PRIM2: variants seen among roughly 807,000 people sequenced by gnomAD.
PRIM2 encodes the protein DNA primase large subunit.
Under a neutral mutation model 67.3 loss-of-function variants are expected in PRIM2, and 39 were observed. That is an observed-to-expected ratio of 0.58 (90% CI 0.45 to 0.76). The LOEUF (loss-of-function observed/expected upper bound fraction) is 0.76, where lower values mean the gene tolerates loss of function less well. Ranked by LOEUF, PRIM2 falls within the 30% of genes least tolerant of loss-of-function variation. PRIM2 has a pLI of 0.00. For missense variants in PRIM2, 398 were observed against 598.7 expected, an observed-to-expected ratio of 0.66 and a Z score of 3.50; for synonymous variants, 143 against 198.7, an observed-to-expected ratio of 0.72 and a Z score of 2.36.
At position 57,477,473 on chromosome 6, in the gene PRIM2, TA is replaced by T. The variant is rs1773504003; in HGVS notation, c.694-29913del. Among the ~76,000 whole-genome samples the T allele has an allele frequency of 2.0e-5, 3 of 152,350 alleles. 1 individual carries two copies. The South Asian group carries it at 6.2e-4, about 32-fold the overall frequency. ...TATTATTCAGCAAAATTAAAATCCA[TA>T]GAAGATAGCCTTTCTACTACTTTTC... On this transcript the variant is annotated intron_variant, in intron 7 of 13. Transcript: ENST00000615550.
chr6:57,480,964 G>A (rs1175828719), intron 7 of PRIM2, among the ~76,000 whole-genome samples: 2 of 152,246 alleles, frequency 1.3e-5, no homozygotes, highest in Admixed American at 1.3e-4. Context: ...TATTATATAA[G>A]TGGAATTATA....
At chr6:57,435,329 A>G (rs2127381709) in intron 7 of PRIM2, 1 of 152,302 alleles carries the variant, frequency 6.6e-6, no homozygotes, top group Admixed American at 6.5e-5. Flanking sequence ...CGGAGGAATA[A>G]CATTCGGGAA....
intron 8 of PRIM2, among the ~76,000 whole-genome samples, chr6:57,512,887 G>A (rs1774400728): frequency 6.6e-6 from 1 of 152,064 alleles, no homozygotes; most frequent in African/African-American, 2.4e-5. Context: ...GTGAGCCACC[G>A]TGCTCACCAT....
At chr6:57,536,330 T>C (rs1199361610) in intron 9 of PRIM2, among the ~76,000 whole-genome samples, 2 of 152,250 alleles carry the variant, frequency 1.3e-5, no homozygotes, top group African/African-American at 4.8e-5. Context: ...TAGGCAATGA[T>C]ATTTCATTTT....
At chr6:57,614,711 G>A (rs1393985313) in intron 12 of PRIM2, among the ~76,000 whole-genome samples, 4 of 152,226 alleles carry the variant, frequency 2.6e-5, no homozygotes, top group Non-Finnish European at 4.4e-5. Context: ...TTAGCCGGGC[G>A]TGCTAGCGGG....
chr6:57,316,426 G>A (rs1048035923), upstream of PRIM2, among the ~76,000 whole-genome samples: 1 of 152,132 alleles, frequency 6.6e-6, no homozygotes, highest in East Asian at 1.9e-4. Context: ...ATTGGTGGTG[G>A]GTCGGGGGGA....
chr6:57,366,465 T>C (rs1465927845), intron 5 of PRIM2, among the ~76,000 whole-genome samples: 1 of 151,832 alleles, frequency 6.6e-6, no homozygotes, highest in Non-Finnish European at 1.5e-5. Context: ...GGAAAATGTG[T>C]GAGGGTAGGG....
chr6:57,456,334 C>A, intron 7 of PRIM2, among the ~76,000 whole-genome samples: 1 of 152,138 alleles, frequency 6.6e-6, no homozygotes. Context: ...TGTTGGCCTT[C>A]CTTGCTAGAT....
At chr6:57,461,837 T>G (rs1773017229) in intron 7 of PRIM2, among the ~76,000 whole-genome samples, 1 of 152,146 alleles carries the variant, frequency 6.6e-6, no homozygotes, top group Admixed American at 6.6e-5. Context: ...ACTGAGAAAT[T>G]AAAACATTAT....
intron 12 of PRIM2, among the ~76,000 whole-genome samples, chr6:57,625,757 G>C (rs1776940171): frequency 6.6e-6 from 1 of 152,184 alleles, no homozygotes; most frequent in Non-Finnish European, 1.5e-5. Flanking sequence ...ATAATAAAGA[G>C]TCAGAAAAAT....
At position 57,452,098 on chromosome 6, in the gene PRIM2, C is replaced by A. The variant is rs1562759216; in HGVS notation, c.694-55289C>A. Among the ~76,000 whole-genome samples the A allele has an allele frequency of 1.4e-4, 21 of 152,222 alleles. No individual in the cohort carries two copies. The South Asian group carries it at 4.1e-3, about 30-fold the overall frequency. ...GTTTCCAGCTTCATCCATGTCCCTACAAAGGACATGAACTCATCATTTTTT... is the reference window on the plus strand; with the variant it reads ...GTTTCCAGCTTCATCCATGTCCCTAAAAAGGACATGAACTCATCATTTTTT... On this transcript the variant is annotated intron_variant, in intron 7 of 13. Coordinates refer to ENST00000615550, the MANE Select transcript of PRIM2 (RefSeq NM_000947.5).
intron 7 of PRIM2, among the ~76,000 whole-genome samples, chr6:57,459,407 A>C (rs5002208): frequency 0.11 from 16,257 of 152,224 alleles, 972 homozygotes; most frequent in East Asian, 0.22. Flanking sequence ...AAATGATCTT[A>C]TTAGGTGGAC....
intron 13 of PRIM2, among the ~76,000 whole-genome samples, chr6:57,642,327 GTAACCT>G (rs1338724969): frequency 6.7e-6 from 1 of 149,500 alleles, no homozygotes; most frequent in Non-Finnish European, 1.5e-5. Context: ...GTATGCCTAT[GTAACCT>G]GCACGTTCTG....
chr6:57,514,757 T>A (rs1290236309), intron 8 of PRIM2, among the ~76,000 whole-genome samples: 1 of 152,134 alleles, frequency 6.6e-6, no homozygotes, highest in Non-Finnish European at 1.5e-5. Context: ...GGCACTATAA[T>A]TGGTACTGAT....
At chr6:57,222,106 C>G in the PRIM2 span, 1 of 152,354 alleles carries the variant, frequency 6.6e-6, no homozygotes, top group Non-Finnish European at 1.5e-5. Flanking sequence ...GCTGTCTCCT[C>G]CCGACGCGCC....
the PRIM2 span, among the ~76,000 whole-genome samples, chr6:57,252,917 GT>G: frequency 1.6e-4 from 24 of 152,316 alleles, no homozygotes; most frequent in East Asian, 2.5e-3. Context: ...AAGCAGATCT[GT>G]TTATGGAAGG....
chr6:57,605,078 G>T (rs1295923397), intron 11 of PRIM2, among the ~76,000 whole-genome samples: 2 of 152,156 alleles, frequency 1.3e-5, no homozygotes, highest in African/African-American at 2.4e-5. Context: ...CACTTTTATT[G>T]ATTTGCATAT....
chr6:57,645,908 T>G lies in PRIM2; in HGVS notation c.1300-20T>G. The stretch of plus-strand genomic sequence containing the variant: ...AGCTTTGCCATGCATTAATGCAATA[T>G]AAATTTCCTTCCTTTACAGGTGGAT... On this transcript the variant is annotated intron_variant, in intron 13 of 13. Coordinates refer to ENST00000615550, the MANE Select transcript of PRIM2 (RefSeq NM_000947.5). The G allele has an allele frequency of 9.9e-6, 13 of 1,309,026 alleles. No homozygotes were observed. Among genetic ancestry groups the G allele is most frequent in the Non-Finnish European group, 1.3e-5 (12 of 915,550 alleles). The allele number at this position is 1,309,026 out of a possible 1,614,324, so 81.1% of individuals were successfully genotyped here. A position where few individuals can be genotyped will look rare whatever the true frequency, so the allele number is the denominator to read the frequency against.
At chr6:57,346,078 C>A (rs1311354862) in intron 5 of PRIM2, among the ~76,000 whole-genome samples, 1 of 152,098 alleles carries the variant, frequency 6.6e-6, no homozygotes, top group South Asian at 2.1e-4. Flanking sequence ...TTTAATGCAT[C>A]CTGTTTTATC....
Sources: gnomAD v4.1 joint callset for allele counts (sites outside exome capture counted in the v4.1 genomes callset) on GRCh38, gnomAD v4.1.1 for gene constraint, MANE v1.5 for transcripts, NCBI Gene and HGNC (gene_info 2026-07-23, HGNC 2026-07-21) for gene names.